The following GPC6 variants were observed in gnomAD, a reference collection of about 807,000 sequenced individuals.
The protein encoded by GPC6 is glypican 6.
A neutral mutation model predicts 55.2 loss-of-function variants in GPC6; 14 were observed. The observed-to-expected ratio is 0.25, with a 90% CI of 0.17 to 0.40. The LOEUF (loss-of-function observed/expected upper bound fraction) is 0.40, where lower values mean the gene tolerates loss of function less well. Ranked by LOEUF, GPC6 falls within the 10% of genes least tolerant of loss-of-function variation. The pLI is 1.00. For synonymous variants in GPC6, 278 were observed against 259.6 expected (o/e 1.07, Z -0.68); for missense variants, 641 against 708.5 (o/e 0.90, Z 1.08).
intron 4 of GPC6, among the ~76,000 whole-genome samples, chr13:94,154,674 A>T (rs1233359548): frequency 6.6e-6 from 1 of 152,022 alleles, no homozygotes; most frequent in Non-Finnish European, 1.5e-5. Context: ...TGCCCTTCCC[A>T]CCTCAATTTC....
rs989460821 is a variant in GPC6 at position 93,685,125 on chromosome 13, C to T, written c.319+139704C>T. On this transcript the variant is annotated intron_variant, in intron 2 of 8. Coordinates refer to ENST00000377047, the MANE Select transcript of GPC6 (RefSeq NM_005708.5). Reference sequence around the variant, plus strand: ...TTACTACAGAGAACTATTTTAATTGCAAAAGTCTATTTTCTCTTTCATTTG... The same window carrying T: ...TTACTACAGAGAACTATTTTAATTGTAAAAGTCTATTTTCTCTTTCATTTG... 2.6e-5 allele frequency among the ~76,000 whole-genome samples: 4 copies of T among 152,258 alleles called. No individual in the cohort carries two copies. In the South Asian group the frequency reaches 8.3e-4, roughly 32 times the overall value.
intron 4 of GPC6, among the ~76,000 whole-genome samples, chr13:94,273,965 G>A (rs1226440789): frequency 6.6e-6 from 1 of 152,160 alleles, no homozygotes; most frequent in African/African-American, 2.4e-5. Flanking sequence ...AGTTATGGTT[G>A]GTAGTATATA....
At chr13:93,873,692 C>G (rs956006423) in intron 3 of GPC6, among the ~76,000 whole-genome samples, 3 of 151,928 alleles carry the variant, frequency 2.0e-5, no homozygotes, top group Non-Finnish European at 2.9e-5. Flanking sequence ...GTCAGTATTT[C>G]ACTAGCATAA....
At chr13:93,957,174 T>C (rs1879546276) in intron 3 of GPC6, among the ~76,000 whole-genome samples, 1 of 152,168 alleles carries the variant, frequency 6.6e-6, no homozygotes, top group African/African-American at 2.4e-5. Flanking sequence ...TAATAGTAAA[T>C]AGTCATAAAC....
intron 2 of GPC6, among the ~76,000 whole-genome samples, chr13:93,587,214 A>G (rs1385610190): frequency 1.3e-5 from 2 of 151,948 alleles, no homozygotes; most frequent in East Asian, 3.8e-4. Flanking sequence ...ATATTTTATT[A>G]TTTAGGGATA....
chr13:93,923,849 A>G (rs1877704364), intron 3 of GPC6, among the ~76,000 whole-genome samples: 1 of 152,158 alleles, frequency 6.6e-6, no homozygotes. Flanking sequence ...TTTAGCATCT[A>G]TTTATTACAG....
intron 6 of GPC6, among the ~76,000 whole-genome samples, chr13:94,360,769 G>A (rs1879026068): frequency 6.6e-6 from 1 of 152,160 alleles, no homozygotes; most frequent in African/African-American, 2.4e-5. Context: ...AATAGGCACA[G>A]GGCTTTTCAA....
intron 7 of GPC6, among the ~76,000 whole-genome samples, chr13:94,390,626 A>T (rs1880601865): frequency 6.6e-6 from 1 of 152,176 alleles, no homozygotes; most frequent in Non-Finnish European, 1.5e-5. Context: ...CCAAAGGGGA[A>T]ACCCACCCCC....
chr13:93,316,203 T>G (rs904341726), intron 1 of GPC6, among the ~76,000 whole-genome samples: 1 of 152,084 alleles, frequency 6.6e-6, no homozygotes, highest in Admixed American at 6.6e-5. Flanking sequence ...TGATGAACCT[T>G]GCTCTTTGAG....
chr13:93,489,279 G>A (rs997503152), intron 1 of GPC6, among the ~76,000 whole-genome samples: 4 of 151,422 alleles, frequency 2.6e-5, no homozygotes, highest in Admixed American at 2.0e-4. Context: ...TCAGATGGTT[G>A]TAGATGTGTG....
In GPC6 at chr13:93,586,340, T is replaced by G. The variant is rs1053723484; in HGVS notation, c.319+40919T>G. Among the ~76,000 whole-genome samples, 7 of 152,314 alleles carry G rather than the reference T, an allele frequency of 4.6e-5. No individual in the cohort carries two copies. In the South Asian group the frequency reaches 1.4e-3, roughly 32 times the overall value. On this transcript the variant is annotated intron_variant, in intron 2 of 8. Coordinates refer to ENST00000377047, the MANE Select transcript of GPC6 (RefSeq NM_005708.5). ...TATTCCATGGTGTATATGTACCACA[T>G]TTTCTTTATCCAGTCTATCATTGAT...
intron 8 of GPC6, among the ~76,000 whole-genome samples, chr13:94,399,933 T>G (rs912236433): frequency 5.9e-5 from 9 of 152,196 alleles, no homozygotes; most frequent in African/African-American, 1.7e-4. Context: ...CTGTATTAAA[T>G]AAAGTGCTCT....
chr13:94,174,086 A>C (rs1476124540), intron 4 of GPC6, among the ~76,000 whole-genome samples: 3 of 152,190 alleles, frequency 2.0e-5, no homozygotes, highest in African/African-American at 7.2e-5. Context: ...TAAGTGACAA[A>C]AATGAATAAA....
intron 3 of GPC6, among the ~76,000 whole-genome samples, chr13:93,911,532 T>A (rs1354684280): frequency 6.6e-6 from 1 of 151,966 alleles, no homozygotes; most frequent in South Asian, 2.1e-4. Flanking sequence ...ACAGGGACAA[T>A]AGCAGCCTGG....
At chr13:93,455,046 G>C (rs980781635) in intron 1 of GPC6, among the ~76,000 whole-genome samples, 1 of 152,186 alleles carries the variant, frequency 6.6e-6, no homozygotes, top group African/African-American at 2.4e-5. Flanking sequence ...GCCCCTTATT[G>C]CCCGGAGCCG....
intron 1 of GPC6, among the ~76,000 whole-genome samples, chr13:93,524,255 T>A: frequency 6.6e-6 from 1 of 152,038 alleles, no homozygotes; most frequent in African/African-American, 2.4e-5. Flanking sequence ...ACCACTCACC[T>A]CCTTAACCAC....
chr13:93,867,903 C>A (rs772307230), intron 3 of GPC6, among the ~76,000 whole-genome samples: 18 of 151,826 alleles, frequency 1.2e-4, no homozygotes, highest in South Asian at 2.1e-4. Context: ...AGGTCCAAAG[C>A]CTGTATGGAC....
chr13:93,302,315 C>T (rs2139095669), intron 1 of GPC6, among the ~76,000 whole-genome samples: 1 of 152,262 alleles, frequency 6.6e-6, no homozygotes, highest in East Asian at 1.9e-4. Flanking sequence ...GATGAAATGG[C>T]ATATGGTCCA....
chr13:93,238,348 G>T (rs977390587), intron 1 of GPC6, among the ~76,000 whole-genome samples: 1 of 152,040 alleles, frequency 6.6e-6, no homozygotes, highest in Non-Finnish European at 1.5e-5. Flanking sequence ...TATTGTAAAT[G>T]GGATGGAATT....
Sources: allele counts gnomAD v4.1 joint callset (sites outside exome capture counted in the v4.1 genomes callset), GRCh38; gene constraint gnomAD v4.1.1; transcripts MANE v1.5; gene names NCBI Gene and HGNC (gene_info 2026-07-23, HGNC 2026-07-21).